HIVEP3: variants seen among roughly 807,000 people sequenced by gnomAD.
The protein encoded by HIVEP3 is HIVEP zinc finger 3.
A neutral mutation model predicts 152.8 loss-of-function variants in HIVEP3; 49 were observed. That is an observed-to-expected ratio of 0.32 (90% CI 0.26 to 0.41). The LOEUF (loss-of-function observed/expected upper bound fraction) is 0.41. Among genes scored for constraint, HIVEP3 ranks in the 10% least tolerant of loss-of-function variants. The pLI is 1.00. For missense variants in HIVEP3, 2,790 were observed against 3,103.3 expected, an observed-to-expected ratio of 0.90 and a Z score of 2.40; for synonymous variants, 1,269 against 1,289.0, an observed-to-expected ratio of 0.98 and a Z score of 0.33.
chr1:41,994,400 C>G (rs937516793), intron 1 of HIVEP3, among the ~76,000 whole-genome samples: 1 of 152,110 alleles, frequency 6.6e-6, no homozygotes, highest in African/African-American at 2.4e-5. Flanking sequence ...TATGTCCCCA[C>G]CCAAATCTCA....
At chr1:41,880,193 G>A (rs1388077387) in intron 1 of HIVEP3, among the ~76,000 whole-genome samples, 1 of 152,060 alleles carries the variant, frequency 6.6e-6, no homozygotes, top group African/African-American at 2.4e-5. Flanking sequence ...TTGAGTAGCT[G>A]GGACCATAGG....
intron 1 of HIVEP3, among the ~76,000 whole-genome samples, chr1:41,786,994 C>T (rs558756020): frequency 6.6e-5 from 10 of 152,156 alleles, no homozygotes; most frequent in Admixed American, 5.2e-4. Context: ...TCAAGTGATC[C>T]GCCCACCTCA....
At chr1:41,527,925 T>G (rs927376830) in intron 5 of HIVEP3, among the ~76,000 whole-genome samples, 9 of 82,106 alleles carry the variant, frequency 1.1e-4, no homozygotes, top group Non-Finnish European at 2.0e-4. Flanking sequence ...CACACACCCC[T>G]GCCCTCACAT....
At chr1:41,526,925 TCA>T (rs1157115030) in intron 5 of HIVEP3, among the ~76,000 whole-genome samples, 1 of 121,908 alleles carries the variant, frequency 8.2e-6, no homozygotes, top group African/African-American at 3.2e-5. Flanking sequence ...ACACACACCC[TCA>T]CATGCTCACC....
intron 5 of HIVEP3, among the ~76,000 whole-genome samples, chr1:41,538,575 A>AAG (rs1643453912): frequency 6.6e-6 from 1 of 152,146 alleles, no homozygotes; most frequent in African/African-American, 2.4e-5. Flanking sequence ...TCAGGGGTCT[A>AAG]ATGCCCAGCA....
chr1:41,736,034 C>G (rs1646913556), intron 1 of HIVEP3, among the ~76,000 whole-genome samples: 1 of 152,186 alleles, frequency 6.6e-6, no homozygotes, highest in South Asian at 2.1e-4. Flanking sequence ...GAGACACCAC[C>G]TCTGAAGAGC....
At chr1:41,742,236 G>A (rs12143091) in intron 1 of HIVEP3, among the ~76,000 whole-genome samples, 48,436 of 151,884 alleles carry the variant, frequency 0.32, 8,691 homozygotes, top group East Asian at 0.47. Flanking sequence ...CTGTCCAACC[G>A]TCTATCCATC....
intron 1 of HIVEP3, among the ~76,000 whole-genome samples, chr1:41,896,651 C>T (rs948282277): frequency 3.3e-5 from 5 of 151,468 alleles, no homozygotes; most frequent in African/African-American, 9.7e-5. Flanking sequence ...CTCGGGTCAC[C>T]GCAACCTCTG....
chr1:41,836,103 G>A (rs919528364), intron 1 of HIVEP3, among the ~76,000 whole-genome samples: 3 of 152,152 alleles, frequency 2.0e-5, no homozygotes, highest in Non-Finnish European at 2.9e-5. Context: ...TGCATGTTTT[G>A]AGTCCCATGA....
At chr1:41,757,104 A>G (rs1647350775) in intron 1 of HIVEP3, among the ~76,000 whole-genome samples, 1 of 146,444 alleles carries the variant, frequency 6.8e-6, no homozygotes, top group South Asian at 2.1e-4. Context: ...TATTATTATT[A>G]TTATTATTAT....
At chr1:41,812,068 CA>C (rs1650991910) in intron 1 of HIVEP3, among the ~76,000 whole-genome samples, 1 of 152,108 alleles carries the variant, frequency 6.6e-6, no homozygotes, top group Non-Finnish European at 1.5e-5. Flanking sequence ...TTTTAATAAA[CA>C]AAATGACCCA....
At chr1:41,773,559 G>A (rs940944018) in intron 1 of HIVEP3, among the ~76,000 whole-genome samples, 1 of 152,214 alleles carries the variant, frequency 6.6e-6, no homozygotes, top group Admixed American at 6.5e-5. Flanking sequence ...CCAAGATGCT[G>A]TTTTGGTGCT....
chr1:41,760,513 T>C (rs545756628), intron 1 of HIVEP3, among the ~76,000 whole-genome samples: 5 of 152,342 alleles, frequency 3.3e-5, no homozygotes, highest in African/African-American at 1.2e-4. Flanking sequence ...CTTTGCTGAG[T>C]TTGACTTGAG....
intron 1 of HIVEP3, among the ~76,000 whole-genome samples, chr1:42,009,916 A>G (rs548503707): frequency 1.1e-4 from 17 of 152,332 alleles, no homozygotes; most frequent in Middle Eastern, 3.4e-3. Flanking sequence ...TATTTGGAAT[A>G]TATCATGTCC....
rs1471095780 is a variant in HIVEP3 at position 41,507,031 on chromosome 1, T to A, written c.*3420A>T. ...ATTGGTGGAACAGGCTTTCGGGAAC[T>A]TTCTTCCCCTGGTCACACGGCAGAT... is the stretch of plus-strand genomic sequence containing the variant. On this transcript the variant is annotated 3_prime_UTR_variant, in exon 9 of 9. Coordinates refer to ENST00000372583, the MANE Select transcript of HIVEP3 (RefSeq NM_024503.5). The A allele has an allele frequency of 6.6e-6, 1 of 152,074 alleles. No homozygotes were observed. 9.4% of individuals were successfully genotyped at this position (152,074 alleles called of 1,614,324 possible).
chr1:41,759,497 G>A (rs1477495681), intron 1 of HIVEP3, among the ~76,000 whole-genome samples: 1 of 152,196 alleles, frequency 6.6e-6, no homozygotes, highest in African/African-American at 2.4e-5. Context: ...GTGCAGATAT[G>A]AGCATTCATG....
At chr1:41,566,704 A>G (rs901206232) in intron 5 of HIVEP3, among the ~76,000 whole-genome samples, 15 of 152,272 alleles carry the variant, frequency 9.9e-5, no homozygotes, top group African/African-American at 3.4e-4. Flanking sequence ...GGCACGTGCC[A>G]CATGCCTGTC....
chr1:41,871,394 T>C (rs1644076463), intron 1 of HIVEP3, among the ~76,000 whole-genome samples: 1 of 115,412 alleles, frequency 8.7e-6, no homozygotes, highest in African/African-American at 3.1e-5. Flanking sequence ...TTACAATGAA[T>C]ACCATTTAAA....
intron 2 of HIVEP3, among the ~76,000 whole-genome samples, chr1:41,686,041 T>TG (rs1331160170): frequency 6.6e-6 from 1 of 151,922 alleles, no homozygotes; most frequent in African/African-American, 2.4e-5. Context: ...ACTGTGGTTT[T>TG]TTTGTTTGTT....
Sources: allele counts gnomAD v4.1 joint callset (sites outside exome capture counted in the v4.1 genomes callset), GRCh38; gene constraint gnomAD v4.1.1; transcripts MANE v1.5; gene names NCBI Gene and HGNC (gene_info 2026-07-23, HGNC 2026-07-21).